PHACTR4: variants seen among roughly 807,000 people sequenced by gnomAD.
The protein encoded by PHACTR4 is phosphatase and actin regulator 4.
A neutral mutation model predicts 72.7 loss-of-function variants in PHACTR4; 51 were observed. That is an observed-to-expected ratio of 0.70 (90% CI 0.56 to 0.89). The LOEUF (loss-of-function observed/expected upper bound fraction) is 0.89. PHACTR4 is among the 40% of genes least tolerant of loss of function. The pLI is 0.00. For synonymous variants in PHACTR4, 255 were observed against 302.5 expected (o/e 0.84, Z 1.63); for missense variants, 731 against 861.8 (o/e 0.85, Z 1.90).
At chr1:28,376,729 C>T (rs1470784076) in intron 1 of PHACTR4, among the ~76,000 whole-genome samples, 2 of 151,942 alleles carry the variant, frequency 1.3e-5, no homozygotes, top group African/African-American at 4.8e-5. Context: ...CTCCACCTCC[C>T]GGGTTCACGC....
chr1:28,435,331 C>G (rs1165331373), intron 2 of PHACTR4, among the ~76,000 whole-genome samples: 1 of 152,196 alleles, frequency 6.6e-6, no homozygotes, highest in African/African-American at 2.4e-5. Context: ...GTGGCATGAT[C>G]ATGGCTCACT....
At chr1:28,488,147 C>T (rs923205328) in intron 9 of PHACTR4, among the ~76,000 whole-genome samples, 1 of 152,132 alleles carries the variant, frequency 6.6e-6, no homozygotes, top group Non-Finnish European at 1.5e-5. Flanking sequence ...TATAGAATAT[C>T]ACACAGAAAG....
intron 2 of PHACTR4, chr1:28,453,616 GGTGAAACAAATAGAGAAGAGAGACTC>G (rs1658140952): frequency 8.3e-7 from 1 of 1,210,642 alleles, no homozygotes; most frequent in Non-Finnish European, 1.2e-6. Context: ...TCTACAGTGA[GGTGAAACAAATAGAGAAGAGAGACTC>G]GGTTCTAACA....
At chr1:28,474,606 G>A (rs1306097528) in intron 7 of PHACTR4, among the ~76,000 whole-genome samples, 2 of 150,462 alleles carry the variant, frequency 1.3e-5, no homozygotes, top group Admixed American at 1.3e-4. Flanking sequence ...GCAGTGGCAC[G>A]ATCTCCGCTC....
At chr1:28,403,550 TAAAAAAC>T (rs1460486447) in intron 1 of PHACTR4, among the ~76,000 whole-genome samples, 4 of 151,998 alleles carry the variant, frequency 2.6e-5, no homozygotes, top group Non-Finnish European at 5.9e-5. Context: ...ATCTACTACT[TAAAAAAC>T]AAAAAAACAG....
At chr1:28,430,113 C>G (rs1340261657) in intron 2 of PHACTR4, among the ~76,000 whole-genome samples, 1 of 152,022 alleles carries the variant, frequency 6.6e-6, no homozygotes. Context: ...AGCTCCGTCT[C>G]CCGGGTTCAC....
chr1:28,430,196 T>A (rs1177080457), intron 2 of PHACTR4, among the ~76,000 whole-genome samples: 1 of 152,078 alleles, frequency 6.6e-6, no homozygotes, highest in Non-Finnish European at 1.5e-5. Flanking sequence ...CTAATTTTTT[T>A]TGTATTTTTA....
At chr1:28,427,824 T>G (rs114796467) in intron 2 of PHACTR4, among the ~76,000 whole-genome samples, 1 of 152,320 alleles carries the variant, frequency 6.6e-6, no homozygotes, top group African/African-American at 2.4e-5. Flanking sequence ...CCTGACACAT[T>G]AGAGGTACTC....
intron 1 of PHACTR4, among the ~76,000 whole-genome samples, chr1:28,376,096 A>G (rs1344737980): frequency 6.6e-6 from 1 of 151,558 alleles, no homozygotes; most frequent in Non-Finnish European, 1.5e-5. Context: ...AAACAAAAAA[A>G]ACTTTCACAG....
chr1:28,425,053 A>C (rs1655751540), intron 2 of PHACTR4, among the ~76,000 whole-genome samples: 5 of 152,054 alleles, frequency 3.3e-5, no homozygotes, highest in Admixed American at 3.3e-4. Flanking sequence ...TTGGCCTCCC[A>C]AAGTGCTGGG....
chr1:28,396,875 T>C (rs546016347), intron 1 of PHACTR4, among the ~76,000 whole-genome samples: 108 of 146,294 alleles, frequency 7.4e-4, no homozygotes, highest in African/African-American at 2.6e-3. Context: ...GTATTTTTAG[T>C]AGAGACGGGG....
intron 2 of PHACTR4, 91 bp from the exon 3 acceptor site, chr1:28,458,994 A>G (rs964811749): frequency 3.3e-6 from 4 of 1,205,864 alleles, no homozygotes; most frequent in Admixed American, 5.4e-5. Flanking sequence ...ATCCTTTCCA[A>G]CTACCACAGG....
At chr1:28,471,558 A>G (rs1659563815) in intron 6 of PHACTR4, among the ~76,000 whole-genome samples, 1 of 151,520 alleles carries the variant, frequency 6.6e-6, no homozygotes, top group Non-Finnish European at 1.5e-5. Flanking sequence ...GGAAAAAATA[A>G]CTACCCTTTA....
chr1:28,407,735 A>G (rs1654460472), intron 2 of PHACTR4, among the ~76,000 whole-genome samples: 1 of 152,270 alleles, frequency 6.6e-6, no homozygotes, highest in African/African-American at 2.4e-5. Flanking sequence ...TTTAAAAACA[A>G]CATTGATAAA....
intron 1 of PHACTR4, among the ~76,000 whole-genome samples, chr1:28,381,541 G>A (rs1569754718): frequency 2.0e-5 from 3 of 151,384 alleles, no homozygotes; most frequent in African/African-American, 4.8e-5. Flanking sequence ...CTCGTGATCC[G>A]CCCGCCTCAG....
At chr1:28,409,248 G>C (rs1654594295) in intron 2 of PHACTR4, among the ~76,000 whole-genome samples, 2 of 151,344 alleles carry the variant, frequency 1.3e-5, no homozygotes, top group African/African-American at 2.4e-5. Flanking sequence ...CAGTCTTCCT[G>C]CTTTAGCCTC....
chr1:28,462,049 C>T (rs1425397170), intron 4 of PHACTR4, among the ~76,000 whole-genome samples: 1 of 151,138 alleles, frequency 6.6e-6, no homozygotes, highest in Non-Finnish European at 1.5e-5. Flanking sequence ...ACTCTCTCTC[C>T]CAGGCTGGAG....
chr1:28,440,234 G>A (rs1170230808), intron 2 of PHACTR4, among the ~76,000 whole-genome samples: 2 of 147,548 alleles, frequency 1.4e-5, no homozygotes, highest in Admixed American at 6.8e-5. Context: ...CCCGGGAGGC[G>A]GAGCTTGCAG....
intron 1 of PHACTR4, among the ~76,000 whole-genome samples, chr1:28,377,237 CTTT>C (rs1304157166): frequency 2.2e-5 from 3 of 136,740 alleles, no homozygotes; most frequent in African/African-American, 2.7e-5. Flanking sequence ...CGCACCCAGC[CTTT>C]TTTTTTTTTT....
Sources: gnomAD v4.1 joint callset for allele counts (sites outside exome capture counted in the v4.1 genomes callset) on GRCh38, gnomAD v4.1.1 for gene constraint, MANE v1.5 for transcripts, NCBI Gene and HGNC (gene_info 2026-07-23, HGNC 2026-07-21) for gene names.